The following USP32 variants were observed in gnomAD, a reference collection of about 807,000 sequenced individuals.
The protein encoded by USP32 is ubiquitin carboxyl-terminal hydrolase 32.
USP32 carries 59 observed loss-of-function variants against 204.8 expected under a neutral mutation model. The ratio of observed to expected loss-of-function variants is 0.29; its 90% CI spans 0.23 to 0.36. USP32 has a LOEUF of 0.36. USP32 is among the 10% of genes least tolerant of loss of function. USP32 has a pLI of 1.00. For synonymous variants in USP32, 517 were observed against 678.4 expected (o/e 0.76, Z 3.70); for missense variants, 1,160 against 1,946.4 (o/e 0.60, Z 7.60).
rs1198805012 is a variant in USP32 at position 60,180,867 on chromosome 17, C to CATTT, written c.4549-231_4549-230insAAAT. On this transcript the variant is annotated intron_variant, in intron 32 of 33. Transcript: ENST00000300896. ...AACAATCATTTTATAATTGTAATTA[C>CATTT]TATTATTATTATTATTATTATTATT... is the stretch of plus-strand genomic sequence containing the variant. Among the ~76,000 whole-genome samples, 4 of 147,504 alleles carry CATTT rather than the reference C, an allele frequency of 2.7e-5. No homozygotes were observed. The East Asian group carries it at 7.8e-4, about 29-fold the overall frequency.
At chr17:60,188,834 C>T (rs1237745208) in intron 29 of USP32, among the ~76,000 whole-genome samples, 1 of 152,222 alleles carries the variant, frequency 6.6e-6, no homozygotes, top group Admixed American at 6.5e-5. Flanking sequence ...TAAGCACATT[C>T]AGAAACCCTA....
intron 11 of USP32, among the ~76,000 whole-genome samples, chr17:60,247,427 G>A (rs1034985319): frequency 4.6e-5 from 7 of 152,056 alleles, no homozygotes; most frequent in Admixed American, 2.0e-4. Flanking sequence ...TGATCCAGCC[G>A]TCTCGGCCTC....
chr17:60,363,376 AC>A (rs2089249172), intron 1 of USP32, among the ~76,000 whole-genome samples: 1 of 141,098 alleles, frequency 7.1e-6, no homozygotes, highest in African/African-American at 2.7e-5. Flanking sequence ...AATTGCTTGA[AC>A]CCGGGAGGTG....
At chr17:60,369,885 T>G (rs1201908955) in intron 1 of USP32, among the ~76,000 whole-genome samples, 1 of 151,968 alleles carries the variant, frequency 6.6e-6, no homozygotes, top group Admixed American at 6.6e-5. Context: ...CTACATGCAC[T>G]TGCTACCATG....
At chr17:60,394,611 G>T (rs1231133260), upstream of USP32, among the ~76,000 whole-genome samples, 1 of 152,106 alleles carries the variant, frequency 6.6e-6, no homozygotes, top group African/African-American at 2.4e-5. Flanking sequence ...ACATTGTTGT[G>T]GTGCAAATAT....
intron 1 of USP32, among the ~76,000 whole-genome samples, chr17:60,382,837 C>T (rs988506630): frequency 1.3e-5 from 2 of 152,082 alleles, no homozygotes; most frequent in Non-Finnish European, 2.9e-5. Context: ...TTCATAAGTA[C>T]AATACTTACC....
intron 2 of USP32, among the ~76,000 whole-genome samples, chr17:60,330,136 G>A (rs1363107876): frequency 6.6e-6 from 1 of 152,094 alleles, no homozygotes; most frequent in Non-Finnish European, 1.5e-5. Flanking sequence ...CCTCAGGTCC[G>A]CTGGTGCCCA....
chr17:60,236,422 C>G (rs994403190), intron 11 of USP32, among the ~76,000 whole-genome samples, 182 bp from the exon 12 acceptor site: 5 of 151,938 alleles, frequency 3.3e-5, no homozygotes, highest in African/African-American at 1.2e-4. Context: ...TTTCAAGAGT[C>G]ATAGGGCAGT....
At chr17:60,221,871 C>T (rs537900639) in intron 15 of USP32, among the ~76,000 whole-genome samples, 1 of 152,228 alleles carries the variant, frequency 6.6e-6, no homozygotes, top group African/African-American at 2.4e-5. Flanking sequence ...AAGTGAGTGT[C>T]CAGAGTACCG....
Position 60,199,146 on chromosome 17 carries a change from G to GA in USP32, c.3250-703dup, listed in dbSNP as rs35824527. ...AAAAAGAAATGAAAAGATGCCAGTG[G>GA]AAAAAAAAAAAAAAGACTCTCTCAA... On this transcript the variant is annotated intron_variant, in intron 26 of 33. Transcript: ENST00000300896. Among the ~76,000 whole-genome samples the GA allele has an allele frequency of 1.6e-3, 213 of 135,554 alleles. 2 individuals carry two copies. Among genetic ancestry groups the GA allele is most frequent in the East Asian group, 4.6e-3 (21 of 4,536 alleles). 88.9% of individuals were successfully genotyped at this position (135,554 alleles called of 152,430 possible). A position where few individuals can be genotyped will look rare whatever the true frequency, so the allele number is the denominator to read the frequency against.
At chr17:60,255,492 G>A (rs2086278508) in intron 9 of USP32, among the ~76,000 whole-genome samples, 1 of 151,980 alleles carries the variant, frequency 6.6e-6, no homozygotes, top group African/African-American at 2.4e-5. Flanking sequence ...TAGAAACGGG[G>A]TTTCACTATG....
intron 11 of USP32, among the ~76,000 whole-genome samples, chr17:60,247,179 T>A (rs1189774837): frequency 6.6e-6 from 1 of 150,548 alleles, no homozygotes; most frequent in Non-Finnish European, 1.5e-5. Context: ...TTGAATCCAT[T>A]TTCTTTTCTT....
At chr17:60,231,596 A>G (rs1368183150) in intron 12 of USP32, 1 of 518,344 alleles carries the variant, frequency 1.9e-6, no homozygotes, top group East Asian at 5.5e-5. Context: ...CTTGGCCTCC[A>G]GCCTTGGCTA....
At chr17:60,256,810 CT>C in intron 9 of USP32, 1 of 1,099,378 alleles carries the variant, frequency 9.1e-7, no homozygotes, top group Non-Finnish European at 1.2e-6. Context: ...TGAATTCATA[CT>C]TATAGGTGAA....
chr17:60,208,799 T>A lies in USP32; in HGVS notation c.2628A>T (p.Arg876Ser). ...CATGGAACAAATCCACAACAATTGATCTATTTCTTCTTAGATGGTTGTCCC... is the reference window on the plus strand; with the variant it reads ...CATGGAACAAATCCACAACAATTGAACTATTTCTTCTTAGATGGTTGTCCC... ...EAWDNHLRRN[R>S]SIVVDLFHGQ... The change falls in exon 23 of 34, where the codon AGA (arginine) becomes AGT (serine). Residue 876 changes from arginine to serine, a missense_variant. Physicochemically the swap from Arg to Ser is moderately radical, Grantham distance 110. Around this residue, in one of 8 missense-constraint regions of USP32, gnomAD observed 132 missense variants for 432.8 expected, o/e 0.30. Transcript: ENST00000300896. 1 of 1,604,114 alleles carries A rather than the reference T, an allele frequency of 6.2e-7. No homozygotes were observed. Among genetic ancestry groups the A allele is most frequent in the Non-Finnish European group, 8.5e-7 (1 of 1,176,338 alleles).
At chr17:60,248,736 C>T (rs561462150) in intron 11 of USP32, among the ~76,000 whole-genome samples, 2 of 152,182 alleles carry the variant, frequency 1.3e-5, no homozygotes, top group Non-Finnish European at 2.9e-5. Flanking sequence ...AATACAGCTT[C>T]GTTTAGCTCT....
At position 60,183,294 on chromosome 17, in the gene USP32, G is replaced by A; in HGVS notation, c.3994C>T (p.Leu1332Phe). The A allele has an allele frequency of 6.2e-7, 1 of 1,614,006 alleles. No individual in the cohort carries two copies. The highest frequency in any genetic ancestry group is 1.1e-5 in the South Asian group (1 of 91,076). Residue 1332 changes from leucine (L) to phenylalanine (F), a missense_variant, in exon 31 of 34, where the codon CTC (leucine) becomes TTC (phenylalanine). Leu to Phe is a conservative substitution (Grantham distance 22). Transcript: ENST00000300896. ...CTTGCCAGAATCCTGGGCTCAGAGA[G>A]CTCATCCCCCTGGGGTGTGAGTGGT... The part of the protein sequence containing the change: ...HKPLTPQGDE[L>F]SEPRILAREV...
intron 2 of USP32, among the ~76,000 whole-genome samples, chr17:60,318,592 CAA>C (rs1210649684): frequency 1.3e-5 from 2 of 152,180 alleles, no homozygotes; most frequent in Non-Finnish European, 2.9e-5. Context: ...GAAACTGTGA[CAA>C]AATCATTAGT....
intron 5 of USP32, among the ~76,000 whole-genome samples, chr17:60,284,198 CA>C (rs1000779245): frequency 6.8e-6 from 1 of 148,100 alleles, no homozygotes; most frequent in African/African-American, 2.5e-5. Flanking sequence ...TCAAATAATT[CA>C]AGATTTTTTC....
Sources: allele counts gnomAD v4.1 joint callset (sites outside exome capture counted in the v4.1 genomes callset), GRCh38; gene constraint gnomAD v4.1.1; regional missense constraint gnomAD v4.1.1; transcripts MANE v1.5; gene names NCBI Gene and HGNC (gene_info 2026-07-23, HGNC 2026-07-21).